The following DAOA variants were observed in gnomAD, a reference collection of about 807,000 sequenced individuals.
DAOA encodes D-amino acid oxidase activator, also known as D-amino acid oxidase regulator.
A neutral mutation model predicts 16.4 loss-of-function variants in DAOA; 15 were observed. That is an observed-to-expected ratio of 0.91 (90% CI 0.61 to 1.41). The LOEUF is 1.41. DAOA is among the 40% of genes most tolerant of loss of function. The probability of loss-of-function intolerance (pLI) is 0.00; values close to 1 mark genes in which losing one functional copy is unlikely to be tolerated. For synonymous variants in DAOA, 75 were observed against 59.1 expected (o/e 1.27, Z -1.23); for missense variants, 230 against 176.8 (o/e 1.30, Z -1.71).
At chr13:105,479,717 G>A (rs1877575627) in intron 4 of DAOA, among the ~76,000 whole-genome samples, 2 of 152,088 alleles carry the variant, frequency 1.3e-5, no homozygotes, top group Admixed American at 6.6e-5. Flanking sequence ...CATCCACAAT[G>A]ACCCTATTTC....
At chr13:105,486,117 T>C (rs1878088145) in intron 4 of DAOA, among the ~76,000 whole-genome samples, 1 of 152,184 alleles carries the variant, frequency 6.6e-6, no homozygotes, top group South Asian at 2.1e-4. Flanking sequence ...AATTGGAACA[T>C]GTCATTGCCC....
intron 3 of DAOA, among the ~76,000 whole-genome samples, chr13:105,472,327 G>A (rs192809222): frequency 5.9e-5 from 9 of 152,240 alleles, no homozygotes; most frequent in Admixed American, 3.3e-4. Flanking sequence ...GCCACCCTTC[G>A]TTTGGGCTTA....
intron 3 of DAOA, 105 bp from the exon 4 acceptor site, chr13:105,472,433 A>G (rs968128021): frequency 2.8e-6 from 4 of 1,410,494 alleles, no homozygotes; most frequent in Non-Finnish European, 3.7e-6. Context: ...AATTAAGTAA[A>G]ATGGACAATT....
intron 3 of DAOA, among the ~76,000 whole-genome samples, chr13:105,471,439 C>T (rs1181815298): frequency 6.6e-6 from 1 of 151,944 alleles, no homozygotes; most frequent in African/African-American, 2.4e-5. Context: ...TAGATGATAC[C>T]AAGAGGGCTT....
At chr13:105,486,463 C>T (rs747919898) in intron 4 of DAOA, among the ~76,000 whole-genome samples, 2 of 152,118 alleles carry the variant, frequency 1.3e-5, no homozygotes, top group Non-Finnish European at 2.9e-5. Context: ...CTCTCTCACC[C>T]CGTTGACCTA....
At position 105,467,130 on chromosome 13, in the gene DAOA, TA is replaced by T; in HGVS notation, c.125del (p.Asn42ThrfsTer14). 6.2e-7 allele frequency: 1 copy of T among 1,608,824 alleles called. No homozygotes were observed. Among genetic ancestry groups the T allele is most frequent in the Non-Finnish European group, 8.5e-7 (1 of 1,176,572 alleles). On this transcript the variant is annotated frameshift_variant, in exon 3 of 6. Transcript: ENST00000375936. LOFTEE classifies it high-confidence loss of function. ...SILLSKSENSLNSIAKETEEG... is the reference protein window; with the variant it reads ...SILLSKSENSXNSIAKETEEG... ...CTTCTGAGCAAATCTGAAAACTCTC[TA>T]AACTCTATTGGTATGTTACTCTTTA... is the stretch of plus-strand genomic sequence containing the variant.
intron 4 of DAOA, 48 bp from the exon 5 acceptor site, chr13:105,489,853 G>A (rs745958665): frequency 6.8e-6 from 11 of 1,613,474 alleles, no homozygotes; most frequent in Non-Finnish European, 9.3e-6. Context: ...CCGGTGATGA[G>A]GTTACCTTTC....
At chr13:105,481,830 A>G (rs906206165) in intron 4 of DAOA, among the ~76,000 whole-genome samples, 3 of 151,420 alleles carry the variant, frequency 2.0e-5, no homozygotes, top group Admixed American at 2.0e-4. Flanking sequence ...CTCTCTCTCT[A>G]CTCTCCTCTC....
chr13:105,479,091 T>G (rs1877534886), intron 4 of DAOA, among the ~76,000 whole-genome samples: 1 of 152,234 alleles, frequency 6.6e-6, no homozygotes, highest in Non-Finnish European at 1.5e-5. Context: ...TATCTTTATC[T>G]CTTTATCTTC....
chr13:105,474,794 G>A lies in DAOA; in HGVS notation c.281+2109G>A, dbSNP rs183423795. On this transcript the variant is annotated intron_variant, in intron 4 of 5. Coordinates refer to ENST00000375936, the MANE Select transcript of DAOA (RefSeq NM_172370.5). ...GAAAAGCCAGAGTCAAAATTTTGGT[G>A]AGAAATAAAGAATAGTTGAAGGAGT... is the stretch of plus-strand genomic sequence containing the variant. Among the ~76,000 whole-genome samples the A allele has an allele frequency of 6.6e-5, 10 of 152,240 alleles. No homozygotes were observed. The East Asian group carries it at 1.9e-3, about 29-fold the overall frequency.
chr13:105,487,538 C>T (rs934814447), intron 4 of DAOA, among the ~76,000 whole-genome samples: 3 of 150,538 alleles, frequency 2.0e-5, no homozygotes, highest in African/African-American at 7.3e-5. Flanking sequence ...ACAAAATATA[C>T]CTAAATGTGT....
chr13:105,489,739 G>A, intron 4 of DAOA, 162 bp from the exon 5 acceptor site: 1 of 1,489,342 alleles, frequency 6.7e-7, no homozygotes, highest in South Asian at 1.3e-5. Flanking sequence ...ACATAATCTT[G>A]ACTTCTTGGT....
chr13:105,487,837 T>G (rs1176511332), intron 4 of DAOA, among the ~76,000 whole-genome samples: 1 of 152,192 alleles, frequency 6.6e-6, no homozygotes, highest in East Asian at 1.9e-4. Flanking sequence ...CTGATATTTA[T>G]TTCAACATTT....
chr13:105,476,246 C>G (rs1322387788), intron 4 of DAOA, among the ~76,000 whole-genome samples: 2 of 152,160 alleles, frequency 1.3e-5, no homozygotes, highest in East Asian at 3.9e-4. Context: ...TAGAAATTAG[C>G]CTGGGAACAT....
intron 3 of DAOA, among the ~76,000 whole-genome samples, chr13:105,468,454 A>ATT (rs1876692989): frequency 6.6e-6 from 1 of 152,158 alleles, no homozygotes; most frequent in Non-Finnish European, 1.5e-5. Flanking sequence ...CTTACTTTTA[A>ATT]TTTCTGACCA....
intron 3 of DAOA, among the ~76,000 whole-genome samples, chr13:105,470,785 C>CTTTTCTT (rs527610896): frequency 2.3e-5 from 3 of 130,180 alleles, no homozygotes; most frequent in East Asian, 2.6e-4. Flanking sequence ...AATTTGTTTT[C>CTTTTCTT]TTTTCTTTTT....
chr13:105,466,703 G>A (rs1876540855), intron 2 of DAOA, among the ~76,000 whole-genome samples: 1 of 152,138 alleles, frequency 6.6e-6, no homozygotes, highest in African/African-American at 2.4e-5. Context: ...GTTTAGCACT[G>A]TGTAGAACTG....
intron 4 of DAOA, among the ~76,000 whole-genome samples, chr13:105,480,565 T>TAGATAGAC: frequency 6.8e-6 from 1 of 147,526 alleles, no homozygotes; most frequent in Non-Finnish European, 1.5e-5. Flanking sequence ...GATAGATAGA[T>TAGATAGAC]AGATAGCATT....
At chr13:105,484,228 G>T (rs1171600076) in intron 4 of DAOA, among the ~76,000 whole-genome samples, 1 of 151,632 alleles carries the variant, frequency 6.6e-6, no homozygotes, top group Non-Finnish European at 1.5e-5. Flanking sequence ...TTATCCTATT[G>T]ATTTGTCTAT....
Sources: gnomAD v4.1 joint callset for allele counts (sites outside exome capture counted in the v4.1 genomes callset) on GRCh38, gnomAD v4.1.1 for gene constraint, MANE v1.5 for transcripts, NCBI Gene and HGNC (gene_info 2026-07-23, HGNC 2026-07-21) for gene names.